Variants in MYO16 observed in about 807,000 individuals in gnomAD.
The protein encoded by MYO16 is myosin XVI.
In MYO16, 94 loss-of-function variants were observed where a neutral mutation model predicts 205.3. That is an observed-to-expected ratio of 0.46 (90% confidence interval 0.39 to 0.54). The LOEUF (loss-of-function observed/expected upper bound fraction) is 0.54, where lower values mean the gene tolerates loss of function less well. Ranked by LOEUF, MYO16 falls within the 20% of genes least tolerant of loss-of-function variation. MYO16 has a pLI of 0.00. For synonymous variants in MYO16, 988 were observed against 954.0 expected, an observed-to-expected ratio of 1.04 and a Z score of -0.66; for missense variants, 2,315 against 2,387.5, an observed-to-expected ratio of 0.97 and a Z score of 0.63.
At chr13:109,169,758 C>A (rs1351378890) in intron 33 of MYO16, among the ~76,000 whole-genome samples, 1 of 152,160 alleles carries the variant, frequency 6.6e-6, no homozygotes, top group Non-Finnish European at 1.5e-5. Flanking sequence ...ATGGTTTCTC[C>A]ACTAAATGTT....
chr13:109,130,920 G>GTGTGGC (rs1876503074), intron 31 of MYO16, among the ~76,000 whole-genome samples: 1 of 152,156 alleles, frequency 6.6e-6, no homozygotes, highest in Admixed American at 6.5e-5. Flanking sequence ...CACTTTCCAA[G>GTGTGGC]TACTCAGTAG....
upstream of MYO16, among the ~76,000 whole-genome samples, chr13:108,626,982 A>AT (rs1206751704): frequency 3.4e-5 from 5 of 146,158 alleles, no homozygotes; most frequent in Non-Finnish European, 7.5e-5. Flanking sequence ...TATATTATAT[A>AT]TATATATGAT....
Position 109,206,974 on chromosome 13 carries a change from A to C in MYO16, c.*138A>C. The stretch of plus-strand genomic sequence containing the variant: ...AAAAAGCACAGGACACAGACACTAA[A>C]TATATGAGATCCCGTGTGTGTGTGT... On this transcript the variant is annotated 3_prime_UTR_variant, in exon 35 of 35. Transcript: ENST00000457511. 1 of 664,456 alleles carries C rather than the reference A, an allele frequency of 1.5e-6. No homozygotes were observed. The highest frequency in any genetic ancestry group is 2.6e-6 in the Non-Finnish European group (1 of 390,236). 41.2% of individuals were successfully genotyped at this position (664,456 alleles called of 1,614,324 possible).
At chr13:108,933,565 A>T (rs1225973846) in intron 16 of MYO16, among the ~76,000 whole-genome samples, 2 of 151,932 alleles carry the variant, frequency 1.3e-5, no homozygotes, top group African/African-American at 4.8e-5. Context: ...TAACCCCAGG[A>T]AATAGATCTT....
the MYO16 span, among the ~76,000 whole-genome samples, chr13:108,591,075 T>C: frequency 1.3e-5 from 2 of 152,146 alleles, no homozygotes; most frequent in Non-Finnish European, 2.9e-5. Flanking sequence ...CTGCTGAAAT[T>C]TCCTGCAGCT....
intron 19 of MYO16, among the ~76,000 whole-genome samples, chr13:108,962,710 G>C (rs1394278296): frequency 6.6e-6 from 1 of 152,180 alleles, no homozygotes; most frequent in African/African-American, 2.4e-5. Context: ...ACCCTTTCTA[G>C]ATAATCTGTC....
chr13:109,009,670 T>G (rs1486277965), intron 22 of MYO16, among the ~76,000 whole-genome samples: 1 of 152,206 alleles, frequency 6.6e-6, no homozygotes, highest in Admixed American at 6.5e-5. Flanking sequence ...TCACAATATC[T>G]CCAAGATACA....
intron 10 of MYO16, among the ~76,000 whole-genome samples, chr13:108,847,062 A>G (rs1230773724): frequency 6.6e-6 from 1 of 152,216 alleles, no homozygotes; most frequent in Non-Finnish European, 1.5e-5. Flanking sequence ...AGGTACTGAG[A>G]TTTCTCCCTC....
chr13:108,618,655 A>G (rs1594147595), intron 1 of MYO16, among the ~76,000 whole-genome samples: 1 of 152,196 alleles, frequency 6.6e-6, no homozygotes, highest in Non-Finnish European at 1.5e-5. Flanking sequence ...ACTGCCCCTT[A>G]TTTGTATCCA....
chr13:109,060,363 T>A (rs1291069219), intron 27 of MYO16, among the ~76,000 whole-genome samples: 1 of 152,048 alleles, frequency 6.6e-6, no homozygotes, highest in Non-Finnish European at 1.5e-5. Context: ...AACCCATCAT[T>A]ATCAGCAAAC....
chr13:108,888,319 G>A, intron 13 of MYO16, 53 bp from the exon 14 acceptor site: 1 of 1,286,274 alleles, frequency 7.8e-7, no homozygotes, highest in Non-Finnish European at 1.1e-6. Context: ...AAAGGAACAA[G>A]CTTTGAAGCA....
intron 32 of MYO16, among the ~76,000 whole-genome samples, chr13:109,150,259 G>A (rs184496489): frequency 1.1e-4 from 16 of 152,234 alleles, no homozygotes; most frequent in Non-Finnish European, 1.6e-4. Flanking sequence ...TTATGTGTAC[G>A]TAGAAACCGA....
chr13:109,188,078 T>C (rs1879761033), intron 34 of MYO16, among the ~76,000 whole-genome samples: 1 of 152,248 alleles, frequency 6.6e-6, no homozygotes, highest in South Asian at 2.1e-4. Context: ...TGAAGATCTA[T>C]TCATCATTAT....
At chr13:108,730,819 C>T (rs1472630726) in intron 4 of MYO16, among the ~76,000 whole-genome samples, 1 of 152,186 alleles carries the variant, frequency 6.6e-6, no homozygotes, top group Non-Finnish European at 1.5e-5. Flanking sequence ...AGACTCAGCG[C>T]TAAGTTCATT....
chr13:108,556,828 G>T, the MYO16 span, among the ~76,000 whole-genome samples: 2 of 152,008 alleles, frequency 1.3e-5, no homozygotes, highest in South Asian at 2.1e-4. Flanking sequence ...GTTTGGTAAA[G>T]ATATAGCTTC....
At chr13:108,711,134 G>A (rs1883705226) in intron 2 of MYO16, among the ~76,000 whole-genome samples, 1 of 152,144 alleles carries the variant, frequency 6.6e-6, no homozygotes, top group African/African-American at 2.4e-5. Flanking sequence ...CCACGAAACA[G>A]GACGGTTCTT....
chr13:109,175,597 T>C (rs189628058), intron 33 of MYO16, among the ~76,000 whole-genome samples: 10 of 152,266 alleles, frequency 6.6e-5, no homozygotes, highest in Admixed American at 2.0e-4. Flanking sequence ...AAGCTCAACT[T>C]TTTGAAGCAC....
chr13:108,827,926 C>A (rs530350260), intron 9 of MYO16, among the ~76,000 whole-genome samples: 2 of 152,080 alleles, frequency 1.3e-5, no homozygotes, highest in Non-Finnish European at 2.9e-5. Flanking sequence ...TCATGGAGCC[C>A]GTGAGATAAA....
At chr13:108,925,735 G>A (rs1222055821) in intron 16 of MYO16, among the ~76,000 whole-genome samples, 2 of 152,120 alleles carry the variant, frequency 1.3e-5, no homozygotes, top group Non-Finnish European at 2.9e-5. Flanking sequence ...CCATCTCTCT[G>A]CTGCAGTACA....
Sources: allele counts gnomAD v4.1 joint callset (sites outside exome capture counted in the v4.1 genomes callset), GRCh38; gene constraint gnomAD v4.1.1; transcripts MANE v1.5; gene names NCBI Gene and HGNC (gene_info 2026-07-23, HGNC 2026-07-21).